Variants in PNLDC1 observed in about 807,000 individuals in gnomAD.
The protein encoded by PNLDC1 is PARN like ribonuclease domain containing exonuclease 1.
PNLDC1 carries 70 observed loss-of-function variants against 82.0 expected under a neutral mutation model. That is an observed-to-expected ratio of 0.85 (90% confidence interval 0.70 to 1.04). The LOEUF (loss-of-function observed/expected upper bound fraction) is 1.04, where lower values mean the gene tolerates loss of function less well. Among genes scored for constraint, PNLDC1 ranks in the 50% least tolerant of loss-of-function variants. The pLI, the probability that PNLDC1 is intolerant of heterozygous loss-of-function variation, is 0.00. For missense variants in PNLDC1, 631 were observed against 661.1 expected (o/e 0.95, Z 0.50); for synonymous variants, 280 against 249.3 (o/e 1.12, Z -1.16).
chr6:159,808,165 C>T (rs1190022216), intron 7 of PNLDC1, among the ~76,000 whole-genome samples: 1 of 152,158 alleles, frequency 6.6e-6, no homozygotes, highest in Non-Finnish European at 1.5e-5. Flanking sequence ...CCGCCCTCCT[C>T]AGCCTCCAAA....
chr6:159,808,455 T>C (rs1198769687), intron 7 of PNLDC1, among the ~76,000 whole-genome samples: 1 of 152,074 alleles, frequency 6.6e-6, no homozygotes, highest in Non-Finnish European at 1.5e-5. Context: ...ATTTCTAACA[T>C]GTTTAATATC....
chr6:159,809,455 T>A (rs549596078), intron 9 of PNLDC1, among the ~76,000 whole-genome samples: 1,667 of 66,000 alleles, frequency 0.025, 17 homozygotes, highest in Middle Eastern at 0.15. Flanking sequence ...TGGCTAATTT[T>A]TTTTTTTTTT....
At position 159,809,004 on chromosome 6, in the gene PNLDC1, C is replaced by A; in HGVS notation, c.640-11C>A. ...AACCCAGGATTCAGGGAATTTGTCC[C>A]TGCTTTTCAGGTGGTAGTGAAGAAA... On this transcript the variant is annotated splice_polypyrimidine_tract_variant and intron_variant, in intron 8 of 18. Transcript: ENST00000392167. 6.2e-7 allele frequency: 1 copy of A among 1,610,826 alleles called. No homozygotes were observed. Among genetic ancestry groups the A allele is most frequent in the Non-Finnish European group, 8.5e-7 (1 of 1,178,756 alleles).
intron 7 of PNLDC1, among the ~76,000 whole-genome samples, chr6:159,807,888 A>G (rs184392027): frequency 2.6e-5 from 4 of 151,544 alleles, no homozygotes; most frequent in African/African-American, 4.9e-5. Context: ...TTTTCCACCT[A>G]CACATCTGCT....
At chr6:159,801,026 G>A (rs948683987) in intron 2 of PNLDC1, 87 bp from the exon 3 acceptor site, 10 of 1,499,728 alleles carry the variant, frequency 6.7e-6, no homozygotes, top group Non-Finnish European at 9.3e-6. Context: ...AATCCTCCCC[G>A]GTTGCGAGTG....
chr6:159,814,961 A>C (rs1195400331), intron 12 of PNLDC1, among the ~76,000 whole-genome samples: 4 of 152,162 alleles, frequency 2.6e-5, no homozygotes, highest in African/African-American at 7.2e-5. Flanking sequence ...CACGACGACG[A>C]CGCCTGTTTT....
intron 2 of PNLDC1, 45 bp from the exon 3 acceptor site, chr6:159,801,068 A>G: frequency 6.2e-7 from 1 of 1,600,698 alleles, no homozygotes; most frequent in Non-Finnish European, 8.6e-7. Context: ...TAGTGCCGGG[A>G]TGGGATGTCA....
chr6:159,809,945 T>C lies in PNLDC1; in HGVS notation c.784-81T>C, dbSNP rs368061545. 15 of 1,207,360 alleles carry C rather than the reference T, an allele frequency of 1.2e-5. No homozygotes were observed. In the African/African-American group the frequency reaches 1.3e-4, roughly 11 times the overall value. The allele number at this position is 1,207,360 out of a possible 1,614,324, so 74.8% of individuals were successfully genotyped here. A position where few individuals can be genotyped will look rare whatever the true frequency, so the allele number is the denominator to read the frequency against. Reference sequence around the variant, plus strand: ...AATTGCAGTGGGTTCTAACACTATATCTTTTGCAAGAAACTGTTAGTCTGT... The same window carrying C: ...AATTGCAGTGGGTTCTAACACTATACCTTTTGCAAGAAACTGTTAGTCTGT... On this transcript the variant is annotated intron_variant, in intron 9 of 18. Transcript: ENST00000392167.
intron 2 of PNLDC1, 37 bp from the exon 3 acceptor site, chr6:159,801,076 T>C (rs1202819708): frequency 6.2e-7 from 1 of 1,608,788 alleles, no homozygotes; most frequent in Non-Finnish European, 8.5e-7. Context: ...GGATGGGATG[T>C]CATTGCTCGT....
intron 14 of PNLDC1, 106 bp from the exon 15 acceptor site, chr6:159,817,003 C>T: frequency 8.3e-7 from 1 of 1,202,932 alleles, no homozygotes; most frequent in Non-Finnish European, 1.2e-6. Flanking sequence ...CCCTGCCGTC[C>T]CTAGATTCTA....
At chr6:159,808,529 T>TAAAAA (rs751817467) in intron 7 of PNLDC1, among the ~76,000 whole-genome samples, 1 of 127,398 alleles carries the variant, frequency 7.8e-6, no homozygotes, top group Non-Finnish European at 1.6e-5. Flanking sequence ...GGCCCTGAGA[T>TAAAAA]AAAAAAAAAA....
intron 7 of PNLDC1, among the ~76,000 whole-genome samples, chr6:159,808,134 G>A (rs1781514442): frequency 6.6e-6 from 1 of 151,958 alleles, no homozygotes; most frequent in African/African-American, 2.4e-5. Flanking sequence ...GGTTGGTCTC[G>A]AACTCCTGAC....
At chr6:159,813,994 C>T (rs570334945) in intron 12 of PNLDC1, among the ~76,000 whole-genome samples, 1 of 152,316 alleles carries the variant, frequency 6.6e-6, no homozygotes. Flanking sequence ...GCCACCTACT[C>T]GTCACCTTCA....
At chr6:159,811,843 A>G in intron 11 of PNLDC1, 57 bp downstream of exon 11, 5 of 1,261,498 alleles carry the variant, frequency 4.0e-6, no homozygotes, top group East Asian at 2.3e-5. Flanking sequence ...AGTAACACTT[A>G]GCTTTCTCTT....
chr6:159,800,633 C>T, intron 1 of PNLDC1, 139 bp from the exon 2 acceptor site: 6 of 1,599,560 alleles, frequency 3.8e-6, no homozygotes, highest in Non-Finnish European at 5.1e-6. Flanking sequence ...TTGGTTCCTC[C>T]ATTTTCCCTT....
chr6:159,813,616 A>C lies in PNLDC1; in HGVS notation c.955A>C (p.Arg319=). 1 of 1,613,366 alleles carries C rather than the reference A, an allele frequency of 6.2e-7. No homozygotes were observed. The highest frequency in any genetic ancestry group is 8.5e-7 in the Non-Finnish European group (1 of 1,179,296). The part of the protein sequence containing the change: ...KDIWKEMNFP[R]VSNLSEVYEV... ...ATGATTGTAGGAGATGAATTTCCCG[A>C]GGGTGTCGAATCTTTCGGAAGTCTA... Residue 319 remains arginine, a synonymous_variant, in exon 12 of 19, where the codon AGG becomes CGG. Transcript: ENST00000392167.
intron 15 of PNLDC1, among the ~76,000 whole-genome samples, chr6:159,818,142 C>G (rs1378889757): frequency 6.6e-6 from 1 of 152,190 alleles, no homozygotes; most frequent in Non-Finnish European, 1.5e-5. Context: ...GTGTGTGCTC[C>G]CTGGACAGAG....
chr6:159,820,391 C>T (rs1232919086), intron 18 of PNLDC1, 63 bp from the exon 19 acceptor site: 1 of 1,519,700 alleles, frequency 6.6e-7, no homozygotes, highest in Admixed American at 1.7e-5. Context: ...AGGGGCAAGC[C>T]TGTGTCGGTG....
rs1782002236 is a variant in PNLDC1, at chr6:159,820,448, T to A, written c.1533-6T>A. The stretch of plus-strand genomic sequence containing the variant: ...CCGGCCACTGACACGTGTCATTGTC[T>A]TGCAGAGTCTGTGGCATAGTGACTG... On this transcript the variant is annotated splice_polypyrimidine_tract_variant and splice_region_variant and intron_variant, in intron 18 of 18. Coordinates refer to ENST00000392167, the MANE Select transcript of PNLDC1 (RefSeq NM_001271862.2). 1 of 1,613,976 alleles carries A rather than the reference T, an allele frequency of 6.2e-7. No homozygotes were observed. The highest frequency in any genetic ancestry group is 1.7e-5 in the Admixed American group (1 of 60,004).
Sources: gnomAD v4.1 joint callset for allele counts (sites outside exome capture counted in the v4.1 genomes callset) on GRCh38, gnomAD v4.1.1 for gene constraint, MANE v1.5 for transcripts, NCBI Gene and HGNC (gene_info 2026-07-23, HGNC 2026-07-21) for gene names.